TACR3: variants seen among roughly 807,000 people sequenced by gnomAD.
The protein encoded by TACR3 is tachykinin receptor 3, also known as neuromedin-K receptor.
In TACR3, 34 loss-of-function variants were observed where a neutral mutation model predicts 35.0. The ratio of observed to expected loss-of-function variants is 0.97; its 90% confidence interval spans 0.74 to 1.30. The LOEUF (loss-of-function observed/expected upper bound fraction) is 1.30. Among genes scored for constraint, TACR3 ranks in the 50% most tolerant of loss-of-function variants. The pLI is 0.00. For missense variants in TACR3, 558 were observed against 591.7 expected (o/e 0.94, Z 0.59); for synonymous variants, 233 against 221.1 (o/e 1.05, Z -0.48).
chr4:103,681,866 C>G (rs1448636684), intron 1 of TACR3, among the ~76,000 whole-genome samples: 1 of 151,490 alleles, frequency 6.6e-6, no homozygotes, highest in East Asian at 1.9e-4. Flanking sequence ...GAATAGAAAA[C>G]AAAATTTTAA....
intron 1 of TACR3, among the ~76,000 whole-genome samples, chr4:103,701,085 A>G (rs1393069809): frequency 2.4e-4 from 37 of 152,060 alleles, no homozygotes; most frequent in Non-Finnish European, 4.3e-4. Context: ...AGGGTATTCA[A>G]TTAGGAAAAG....
At chr4:103,634,124 C>T (rs1298083057) in intron 3 of TACR3, among the ~76,000 whole-genome samples, 1 of 152,076 alleles carries the variant, frequency 6.6e-6, no homozygotes, top group African/African-American at 2.4e-5. Flanking sequence ...AGCACAAAAA[C>T]CACTGCATGA....
At chr4:103,595,123 A>G (rs1201955442) in intron 3 of TACR3, among the ~76,000 whole-genome samples, 1 of 152,182 alleles carries the variant, frequency 6.6e-6, no homozygotes, top group Admixed American at 6.6e-5. Flanking sequence ...ATGAAGCTTG[A>G]GCAATGATAG....
intron 1 of TACR3, among the ~76,000 whole-genome samples, chr4:103,663,721 A>C (rs930636295): frequency 6.6e-6 from 1 of 152,050 alleles, no homozygotes; most frequent in African/African-American, 2.4e-5. Flanking sequence ...TCTGATGAAA[A>C]CTTATTTGAA....
chr4:103,626,125 A>G (rs948945283), intron 3 of TACR3, among the ~76,000 whole-genome samples: 1 of 152,182 alleles, frequency 6.6e-6, no homozygotes, highest in Non-Finnish European at 1.5e-5. Flanking sequence ...CTAACAAACT[A>G]TCATTTTTAC....
At chr4:103,711,126 T>C (rs536722989) in intron 1 of TACR3, among the ~76,000 whole-genome samples, 158 of 152,286 alleles carry the variant, frequency 1.0e-3, no homozygotes, top group African/African-American at 3.7e-3. Flanking sequence ...GAGGGAATGC[T>C]CTCTAACTCA....
chr4:103,637,796 A>C (rs1725229861), intron 3 of TACR3, among the ~76,000 whole-genome samples: 1 of 152,182 alleles, frequency 6.6e-6, no homozygotes, highest in South Asian at 2.1e-4. Flanking sequence ...CACCAATAAC[A>C]GACAAACAGA....
chr4:103,685,622 C>T (rs1349955714), intron 1 of TACR3, among the ~76,000 whole-genome samples: 1 of 152,106 alleles, frequency 6.6e-6, no homozygotes, highest in Non-Finnish European at 1.5e-5. Flanking sequence ...ACAAAGTACT[C>T]ATATGCAGAA....
At chr4:103,696,088 A>G (rs1046229816) in intron 1 of TACR3, among the ~76,000 whole-genome samples, 3 of 152,126 alleles carry the variant, frequency 2.0e-5, no homozygotes, top group African/African-American at 2.4e-5. Flanking sequence ...AGAATGATCT[A>G]TATCAACGAG....
At chr4:103,619,086 T>G (rs1578229285) in intron 3 of TACR3, among the ~76,000 whole-genome samples, 1 of 151,894 alleles carries the variant, frequency 6.6e-6, no homozygotes, top group South Asian at 2.1e-4. Context: ...TTCATTTCTT[T>G]CTCTGAAAGT....
At chr4:103,591,747 C>A (rs1455999589) in intron 3 of TACR3, 64 bp from the exon 4 acceptor site, 7 of 1,449,318 alleles carry the variant, frequency 4.8e-6, no homozygotes, top group Non-Finnish European at 6.6e-6. Context: ...TAGCTTATTG[C>A]AAATCATGCT....
At chr4:103,682,518 G>A (rs1391623260) in intron 1 of TACR3, among the ~76,000 whole-genome samples, 2 of 152,028 alleles carry the variant, frequency 1.3e-5, no homozygotes, top group African/African-American at 2.4e-5. Flanking sequence ...AGAACAGCAT[G>A]GGAGAAACCA....
Position 103,679,756 on chromosome 4 carries a change from A to C in TACR3, c.549-21353T>G, listed in dbSNP as rs1002740471. Among the ~76,000 whole-genome samples, 3 of 151,970 alleles carry C rather than the reference A, an allele frequency of 2.0e-5. 1 individual carries two copies. Among genetic ancestry groups the C allele is most frequent in the Admixed American group, 1.3e-4 (2 of 15,226 alleles). On this transcript the variant is annotated intron_variant, in intron 1 of 4. Transcript: ENST00000304883. ...TTCCATAATATAATGGTGACTGTAGATAACTGCAGGGAAAGGTAAGTAGAA... is the reference window on the plus strand; with the variant it reads ...TTCCATAATATAATGGTGACTGTAGCTAACTGCAGGGAAAGGTAAGTAGAA...
intron 3 of TACR3, among the ~76,000 whole-genome samples, chr4:103,596,698 C>A (rs1439309887): frequency 1.3e-5 from 2 of 152,050 alleles, no homozygotes; most frequent in Non-Finnish European, 2.9e-5. Flanking sequence ...TGGTCTGCTG[C>A]ACCCATTAAC....
At chr4:103,633,883 TTTTAAAAAAAGCAA>T (rs1026694112) in intron 3 of TACR3, among the ~76,000 whole-genome samples, 182 of 152,224 alleles carry the variant, frequency 1.2e-3, no homozygotes, top group African/African-American at 4.1e-3. Context: ...TTAGTTCTTT[TTTTAAAAAAAGCAA>T]GTCTTTCAAA....
rs537806129 is a variant in TACR3, at chr4:103,678,062, C to T, written c.549-19659G>A. Among the ~76,000 whole-genome samples the T allele has an allele frequency of 1.8e-3, 273 of 152,172 alleles. 1 individual carries two copies. Among genetic ancestry groups the T allele is most frequent in the African/African-American group, 6.2e-3 (258 of 41,542 alleles). On this transcript the variant is annotated intron_variant, in intron 1 of 4. Transcript: ENST00000304883. The stretch of plus-strand genomic sequence containing the variant: ...AGGTTATCTTTCTTCTAAATCTCTC[C>T]GTTTAAAACAGTTTTGTTGAATGGA...
chr4:103,591,989 C>G (rs1302734660), intron 3 of TACR3, among the ~76,000 whole-genome samples: 1 of 152,084 alleles, frequency 6.6e-6, no homozygotes, highest in Admixed American at 6.6e-5. Flanking sequence ...GAGCCTGGAA[C>G]AGAGAGAGAT....
chr4:103,612,370 T>C (rs1724531836), intron 3 of TACR3, among the ~76,000 whole-genome samples: 1 of 152,212 alleles, frequency 6.6e-6, no homozygotes, highest in African/African-American at 2.4e-5. Context: ...CCTACCACCC[T>C]AGTTGAAAAC....
intron 3 of TACR3, among the ~76,000 whole-genome samples, chr4:103,655,899 C>T (rs371186495): frequency 6.6e-6 from 1 of 151,912 alleles, no homozygotes; most frequent in Non-Finnish European, 1.5e-5. Context: ...AAAATACAAT[C>T]AACTGGAATA....
Sources: allele counts gnomAD v4.1 joint callset (sites outside exome capture counted in the v4.1 genomes callset), GRCh38; gene constraint gnomAD v4.1.1; transcripts MANE v1.5; gene names NCBI Gene and HGNC (gene_info 2026-07-23, HGNC 2026-07-21).